The following DOCK3 variants were observed in gnomAD, a reference collection of about 807,000 sequenced individuals.
DOCK3 encodes dedicator of cytokinesis protein 3.
Under a neutral mutation model 265.6 loss-of-function variants are expected in DOCK3, and 60 were observed. The ratio of observed to expected loss-of-function variants is 0.23; its 90% CI spans 0.18 to 0.28. The LOEUF is 0.28. Ranked by LOEUF, DOCK3 falls within the 10% of genes least tolerant of loss-of-function variation. The pLI, the probability that DOCK3 is intolerant of heterozygous loss-of-function variation, is 1.00. For synonymous variants in DOCK3, 881 were observed against 938.0 expected (o/e 0.94, Z 1.11); for missense variants, 1,981 against 2,594.3 (o/e 0.76, Z 5.14).
intron 9 of DOCK3, among the ~76,000 whole-genome samples, chr3:51,133,320 C>G (rs2084645142): frequency 8.5e-6 from 1 of 117,762 alleles, no homozygotes; most frequent in Non-Finnish European, 1.7e-5. Flanking sequence ...CCCCTCCCCC[C>G]ACCCCATGAC....
chr3:50,899,071 G>A (rs952027445), intron 4 of DOCK3, among the ~76,000 whole-genome samples: 1 of 152,168 alleles, frequency 6.6e-6, no homozygotes. Flanking sequence ...AATATTGGCA[G>A]TGGGGTGTTA....
At chr3:50,909,641 G>GTTTTTTTTT (rs71633043) in intron 4 of DOCK3, among the ~76,000 whole-genome samples, 27 of 98,696 alleles carry the variant, frequency 2.7e-4, no homozygotes, top group East Asian at 9.8e-4. Flanking sequence ...TACCCTTAAC[G>GTTTTTTTTT]TTTTTTTTTT....
At chr3:51,142,787 C>CTG (rs1308400288) in intron 9 of DOCK3, among the ~76,000 whole-genome samples, 6 of 152,088 alleles carry the variant, frequency 3.9e-5, no homozygotes, top group African/African-American at 1.2e-4. Context: ...AACTGTCAAG[C>CTG]TGTTTTCCAA....
At chr3:51,128,341 C>T (rs1044037078) in intron 9 of DOCK3, among the ~76,000 whole-genome samples, 1 of 152,094 alleles carries the variant, frequency 6.6e-6, no homozygotes, top group Non-Finnish European at 1.5e-5. Flanking sequence ...AGAACTTTGC[C>T]CCAGCCCTGC....
chr3:51,338,720 CCT>C (rs113283456), intron 36 of DOCK3, among the ~76,000 whole-genome samples: 5,062 of 152,278 alleles, frequency 0.033, 306 homozygotes, highest in African/African-American at 0.11. Context: ...TGATGCTTTT[CCT>C]CTTAACACTA....
intron 7 of DOCK3, among the ~76,000 whole-genome samples, chr3:51,088,598 C>T (rs559390924): frequency 6.6e-6 from 1 of 152,312 alleles, no homozygotes; most frequent in East Asian, 1.9e-4. Context: ...ATTCTCACTT[C>T]TGCACTTAGG....
Position 51,381,815 on chromosome 3 carries a change from T to G in DOCK3, c.*256T>G, listed in dbSNP as rs1430918735. 3 of 431,014 alleles carry G rather than the reference T, an allele frequency of 7.0e-6. No homozygotes were observed. The highest frequency in any genetic ancestry group is 1.2e-5 in the Non-Finnish European group (3 of 245,722). The allele number at this position is 431,014 out of a possible 1,614,324, so 26.7% of individuals were successfully genotyped here. A position where few individuals can be genotyped will look rare whatever the true frequency, so the allele number is the denominator to read the frequency against. On this transcript the variant is annotated 3_prime_UTR_variant, in exon 53 of 53. Transcript: ENST00000266037. This position sits in a 1 kb window ranked among gnomAD's most constrained non-coding sequence, Gnocchi z 5.6. ...TTCTATGGGTTTTCCTTTCTTTCCT[T>G]TATGCAGTAGATGCTTTCTTCCTCC...
Position 51,249,534 on chromosome 3 carries a change from C to T in DOCK3, c.2184+2727C>T, listed in dbSNP as rs2079066827. ...TCAGCTCCCCGCCCGGCCAGCCGCCCGGTCCGGGAGGGAGGTGGGCGGGTC... is the reference window on the plus strand; with the variant it reads ...TCAGCTCCCCGCCCGGCCAGCCGCCTGGTCCGGGAGGGAGGTGGGCGGGTC... On this transcript the variant is annotated intron_variant, in intron 22 of 52. Transcript: ENST00000266037. 2.0e-5 allele frequency among the ~76,000 whole-genome samples: 2 copies of T among 101,298 alleles called. 1 individual carries two copies. The highest frequency in any genetic ancestry group is 4.4e-5 in the Non-Finnish European group (2 of 45,698). 66.5% of individuals were successfully genotyped at this position (101,298 alleles called of 152,430 possible). A position where few individuals can be genotyped will look rare whatever the true frequency, so the allele number is the denominator to read the frequency against.
At chr3:50,731,411 G>A (rs761732569) in intron 1 of DOCK3, among the ~76,000 whole-genome samples, 25 of 152,260 alleles carry the variant, frequency 1.6e-4, no homozygotes, top group Non-Finnish European at 2.8e-4. Context: ...ATGTGTCAAC[G>A]TAGGCTCATC....
chr3:51,216,438 T>C (rs2089792850), intron 14 of DOCK3, among the ~76,000 whole-genome samples: 1 of 152,150 alleles, frequency 6.6e-6, no homozygotes, highest in Non-Finnish European at 1.5e-5. Flanking sequence ...TCATATGATT[T>C]TCCCCACAAG....
At chr3:51,352,776 A>G (rs2086090163) in intron 40 of DOCK3, among the ~76,000 whole-genome samples, 1 of 152,218 alleles carries the variant, frequency 6.6e-6, no homozygotes, top group South Asian at 2.1e-4. Flanking sequence ...GGTGGGAATC[A>G]GGTACAAAGC....
chr3:50,881,867 A>G (rs772595556), intron 3 of DOCK3, among the ~76,000 whole-genome samples: 2 of 152,226 alleles, frequency 1.3e-5, no homozygotes, highest in Admixed American at 6.5e-5. Context: ...TTCAGACTAT[A>G]CTACAAGTCT....
chr3:50,889,907 G>C (rs2048561790), intron 3 of DOCK3, 119 bp from the exon 4 acceptor site: 1 of 727,078 alleles, frequency 1.4e-6, no homozygotes, highest in South Asian at 3.1e-5. Context: ...ATGCAAAGTG[G>C]TTGCTGTAGC....
At chr3:50,841,585 T>G in intron 2 of DOCK3, 90 bp from the exon 3 acceptor site, 1 of 485,296 alleles carries the variant, frequency 2.1e-6, no homozygotes, top group South Asian at 5.0e-5. Context: ...AGGAAAGATG[T>G]GCATTTATCT....
chr3:51,085,324 T>G (rs538675435), intron 7 of DOCK3, among the ~76,000 whole-genome samples: 48 of 152,320 alleles, frequency 3.2e-4, no homozygotes, highest in Non-Finnish European at 5.9e-4. Flanking sequence ...ACAAATGTAC[T>G]TAACAGACAT....
rs13084023 is a variant in DOCK3, at chr3:50,720,140, T to A, written c.37+44840T>A. ...AGGTGTTACCTGGAATCTTTTTTTT[T>A]AAAAATTTTTATTTTAGGTCCAGAG... On this transcript the variant is annotated intron_variant, in intron 1 of 52. Coordinates refer to ENST00000266037, the MANE Select transcript of DOCK3 (RefSeq NM_004947.5). Among the ~76,000 whole-genome samples, 428 of 152,304 alleles carry A rather than the reference T, an allele frequency of 2.8e-3. 1 individual carries two copies. Among genetic ancestry groups the A allele is most frequent in the Non-Finnish European group, 4.9e-3 (333 of 68,014 alleles).
intron 38 of DOCK3, among the ~76,000 whole-genome samples, chr3:51,343,683 G>A (rs568458281): frequency 2.0e-4 from 31 of 152,350 alleles, no homozygotes; most frequent in Admixed American, 4.6e-4. Context: ...TGCAGAGGCA[G>A]CTCTCAAAGC....
At chr3:50,811,537 T>C (rs1438930265) in intron 2 of DOCK3, among the ~76,000 whole-genome samples, 1 of 152,238 alleles carries the variant, frequency 6.6e-6, no homozygotes, top group Non-Finnish European at 1.5e-5. Context: ...TTGAGAAAAC[T>C]GAAATGTCTC....
intron 51 of DOCK3, among the ~76,000 whole-genome samples, chr3:51,376,553 C>CTAAG (rs2088153122): frequency 6.6e-6 from 1 of 152,210 alleles, no homozygotes; most frequent in Admixed American, 6.5e-5. Flanking sequence ...GAGAGTAATA[C>CTAAG]TAAGTGCTGA....
Sources: allele counts gnomAD v4.1 joint callset (sites outside exome capture counted in the v4.1 genomes callset), GRCh38; gene constraint gnomAD v4.1.1; non-coding constraint Gnocchi (gnomAD v3.1); transcripts MANE v1.5; gene names NCBI Gene and HGNC (gene_info 2026-07-23, HGNC 2026-07-21).